ESF1: variants seen among roughly 807,000 people sequenced by gnomAD.
ESF1 encodes ESF1 nucleolar pre-rRNA processing protein, also known as ESF1 homolog.
A neutral mutation model predicts 92.0 loss-of-function variants in ESF1; 58 were observed. The observed-to-expected ratio is 0.63, with a 90% CI of 0.51 to 0.78. ESF1 has a LOEUF of 0.78. Among genes scored for constraint, ESF1 ranks in the 30% least tolerant of loss-of-function variants. The pLI, the probability that ESF1 is intolerant of heterozygous loss-of-function variation, is 0.00. For missense variants in ESF1, 922 were observed against 989.1 expected (o/e 0.93, Z 0.91); for synonymous variants, 321 against 313.7 (o/e 1.02, Z -0.24).
rs1470601369 is a variant in ESF1, at chr20:13,714,841, G to T, written c.*33C>A. On this transcript the variant is annotated 3_prime_UTR_variant, in exon 14 of 14. Coordinates refer to ENST00000617257, the MANE Select transcript of ESF1 (RefSeq NM_001276380.2). ...ATTATTTTTGTACATTTTAGGAAAAGATGTATTCAGTTCAAAAATAAGTAA... is the reference window on the plus strand; with the variant it reads ...ATTATTTTTGTACATTTTAGGAAAATATGTATTCAGTTCAAAAATAAGTAA... 6.6e-7 allele frequency: 1 copy of T among 1,519,956 alleles called. No individual in the cohort carries two copies. The highest frequency in any genetic ancestry group is 1.3e-5 in the South Asian group (1 of 79,740). 94.2% of individuals were successfully genotyped at this position (1,519,956 alleles called of 1,614,324 possible).
intron 8 of ESF1, among the ~76,000 whole-genome samples, chr20:13,763,513 T>C (rs1024668518): frequency 1.3e-5 from 2 of 152,264 alleles, no homozygotes; most frequent in African/African-American, 4.8e-5. Context: ...TCTTTTTTCC[T>C]TTATCTTACA....
chr20:13,754,902 C>T (rs1395127169), intron 9 of ESF1, among the ~76,000 whole-genome samples: 1 of 152,202 alleles, frequency 6.6e-6, no homozygotes, highest in Admixed American at 6.5e-5. Context: ...ATACTGTTCT[C>T]CTTGGATTCC....
At chr20:13,783,257 A>G in intron 1 of ESF1, 74 bp from the exon 2 acceptor site, 1 of 674,804 alleles carries the variant, frequency 1.5e-6, no homozygotes, top group Non-Finnish European at 2.2e-6. Flanking sequence ...ACACATTCAC[A>G]ATATATTCTA....
rs374183254 is a variant in ESF1 at position 13,783,014 on chromosome 20, G to T, written c.127C>A (p.His43Asn). Residue 43 changes from histidine to asparagine, a missense_variant, in exon 2 of 14, where the codon CAT becomes AAT. Physicochemically the swap from His to Asn is moderately conservative, Grantham distance 68. Transcript: ENST00000617257. ...KIDKRFRAMFHDKKFKLNYAV... is the reference protein window; with the variant it reads ...KIDKRFRAMFNDKKFKLNYAV... ...TAGTTCAACTTGAACTTCTTGTCAT[G>T]AAACATGGCTCGAAATCTCTTGTCA... The T allele has an allele frequency of 6.2e-6, 10 of 1,614,008 alleles. No homozygotes were observed. The African/African-American group carries it at 9.3e-5, about 15-fold the overall frequency.
intron 8 of ESF1, among the ~76,000 whole-genome samples, chr20:13,764,123 G>A (rs1979325256): frequency 6.6e-6 from 1 of 152,110 alleles, no homozygotes; most frequent in Non-Finnish European, 1.5e-5. Context: ...AGAAAACAAA[G>A]CTATGAAAAA....
In ESF1 at chr20:13,734,320, G is replaced by C. The variant is rs555848326; in HGVS notation, c.1829-478C>G. Among the ~76,000 whole-genome samples, 94 of 152,166 alleles carry C rather than the reference G, an allele frequency of 6.2e-4. 1 individual carries two copies. The highest frequency in any genetic ancestry group is 7.8e-4 in the Non-Finnish European group (53 of 67,956). ...AAGCCTATGTTCTCTGCAAACTACA[G>C]GTTTTGAACAAAAATTGTTTAGTAA... On this transcript the variant is annotated intron_variant, in intron 9 of 13. Coordinates refer to ENST00000617257, the MANE Select transcript of ESF1 (RefSeq NM_001276380.2).
chr20:13,776,938 A>G (rs1979968444), intron 2 of ESF1, among the ~76,000 whole-genome samples: 2 of 152,202 alleles, frequency 1.3e-5, no homozygotes, highest in South Asian at 4.1e-4. Context: ...GGAAATGAAG[A>G]GTTAAGTAGA....
In ESF1 at chr20:13,782,544, G is replaced by C; in HGVS notation, c.597C>G (p.Pro199=). The C allele has an allele frequency of 1.3e-6, 2 of 1,563,314 alleles. No individual in the cohort carries two copies. The highest frequency in any genetic ancestry group is 1.7e-6 in the Non-Finnish European group (2 of 1,165,210). ...TTCTTGTCTTAGAACACTCGATTCT[G>C]GGAGATTTCACAATTTCAGAGGTGC... ...DSGTSEIVKS[P]RIECSKTRRE... is the part of the protein sequence containing the mutation. Residue 199 remains proline, a synonymous_variant, in exon 2 of 14, where the codon CCC becomes CCG. Transcript: ENST00000617257.
intron 12 of ESF1, among the ~76,000 whole-genome samples, chr20:13,718,523 AACC>A (rs2049845929): frequency 1.3e-5 from 2 of 152,222 alleles, no homozygotes; most frequent in African/African-American, 4.8e-5. Flanking sequence ...GACAAACCAT[AACC>A]ACAAACTGTA....
At chr20:13,733,462 G>A (rs6110023) in intron 10 of ESF1, among the ~76,000 whole-genome samples, 52,894 of 152,100 alleles carry the variant, frequency 0.35, 9,423 homozygotes, top group Middle Eastern at 0.49. Flanking sequence ...TGTGTTTTAC[G>A]TAGGTGGCAT....
chr20:13,715,020 G>A lies in ESF1; in HGVS notation c.2410C>T (p.Leu804Phe). Residue 804 changes from leucine (L) to phenylalanine (F), a missense_variant, in exon 14 of 14, where the codon CTT (leucine) becomes TTT (phenylalanine). Physicochemically the swap from Leu to Phe is conservative, Grantham distance 22 (BLOSUM62 0). Coordinates refer to ENST00000617257, the MANE Select transcript of ESF1 (RefSeq NM_001276380.2). ...TCTTTTTTCTTTATTGCCTGAGTAAGTTCTTGTTCTTTCCGTTCTCTTTGC... is the reference window on the plus strand; with the variant it reads ...TCTTTTTTCTTTATTGCCTGAGTAAATTCTTGTTCTTTCCGTTCTCTTTGC... ...ARQRERKEQE[L>F]TQAIKKKESE... 2.5e-6 allele frequency: 4 copies of A among 1,613,836 alleles called. No homozygotes were observed. The highest frequency in any genetic ancestry group is 3.4e-6 in the Non-Finnish European group (4 of 1,179,964).
intron 9 of ESF1, among the ~76,000 whole-genome samples, chr20:13,739,329 A>G (rs1319632168): frequency 1.3e-5 from 2 of 152,202 alleles, no homozygotes; most frequent in African/African-American, 4.8e-5. Flanking sequence ...TTACAATCAT[A>G]TTTAGTTTAC....
intron 11 of ESF1, among the ~76,000 whole-genome samples, chr20:13,720,335 C>T (rs2049859251): frequency 6.6e-6 from 1 of 152,080 alleles, no homozygotes. Context: ...AAGAAAATCC[C>T]CCGCTGGGCA....
In ESF1 at chr20:13,738,121, C is replaced by T. The variant is rs542355549; in HGVS notation, c.1829-4279G>A. ...AGGATATTTGGTCCAGATAAGTAAA[C>T]GGGATCTTTGCCAGGGCCATTTTTT... On this transcript the variant is annotated intron_variant, in intron 9 of 13. Transcript: ENST00000617257. 9.3e-4 allele frequency among the ~76,000 whole-genome samples: 141 copies of T among 152,276 alleles called. 1 individual carries two copies. The highest frequency in any genetic ancestry group is 2.3e-3 in the South Asian group (11 of 4,820).
chr20:13,725,960 A>G (rs559298187), intron 11 of ESF1, among the ~76,000 whole-genome samples: 1 of 152,208 alleles, frequency 6.6e-6, no homozygotes, highest in Non-Finnish European at 1.5e-5. Context: ...ATGGAAGAAC[A>G]TTCTTCCATA....
chr20:13,780,068 T>C (rs920949074), intron 2 of ESF1, among the ~76,000 whole-genome samples: 10 of 152,154 alleles, frequency 6.6e-5, no homozygotes, highest in African/African-American at 2.4e-4. Flanking sequence ...AGATTATATA[T>C]GGAGCCGTGT....
chr20:13,732,584 G>T (rs998113379), intron 10 of ESF1, among the ~76,000 whole-genome samples: 1 of 152,188 alleles, frequency 6.6e-6, no homozygotes, highest in Non-Finnish European at 1.5e-5. Flanking sequence ...TCTGGTCTCA[G>T]CTTGGCCACT....
intron 8 of ESF1, among the ~76,000 whole-genome samples, chr20:13,765,051 C>A (rs1410697044): frequency 6.6e-6 from 1 of 152,062 alleles, no homozygotes; most frequent in African/African-American, 2.4e-5. Context: ...GGTGAAACCC[C>A]ATCTCTACTA....
In ESF1 at chr20:13,760,445, C is replaced by T. The variant is rs529819675; in HGVS notation, c.1667-592G>A. On this transcript the variant is annotated intron_variant, in intron 8 of 13. Coordinates refer to ENST00000617257, the MANE Select transcript of ESF1 (RefSeq NM_001276380.2). ...TGTGAGGAGCGCCTCTGCCCGGCCG[C>T]GACCCCGTCTGGGAGGTGAGGAGCG... Among the ~76,000 whole-genome samples, 55 of 144,644 alleles carry T rather than the reference C, an allele frequency of 3.8e-4. 1 individual carries two copies. In the South Asian group the frequency reaches 5.9e-3, roughly 16 times the overall value. 94.9% of individuals were successfully genotyped at this position (144,644 alleles called of 152,430 possible). A position where few individuals can be genotyped will look rare whatever the true frequency, so the allele number is the denominator to read the frequency against.
Sources: allele counts gnomAD v4.1 joint callset (sites outside exome capture counted in the v4.1 genomes callset), GRCh38; gene constraint gnomAD v4.1.1; transcripts MANE v1.5; gene names NCBI Gene and HGNC (gene_info 2026-07-23, HGNC 2026-07-21).